Variants in CNTN5 observed in about 807,000 individuals in gnomAD.
CNTN5 encodes contactin-5.
A neutral mutation model predicts 129.1 loss-of-function variants in CNTN5; 77 were observed. The ratio of observed to expected loss-of-function variants is 0.60; its 90% CI spans 0.50 to 0.72. The LOEUF (loss-of-function observed/expected upper bound fraction) is 0.72, where lower values mean the gene tolerates loss of function less well. Ranked by LOEUF, CNTN5 falls within the 30% of genes least tolerant of loss-of-function variation. The pLI, the probability that CNTN5 is intolerant of heterozygous loss-of-function variation, is 0.00. For missense variants in CNTN5, 1,478 were observed against 1,328.8 expected (o/e 1.11, Z -1.75); for synonymous variants, 509 against 465.6 (o/e 1.09, Z -1.20).
intron 15 of CNTN5, among the ~76,000 whole-genome samples, chr11:100,200,295 G>C (rs928918571): frequency 7.2e-5 from 11 of 151,890 alleles, no homozygotes; most frequent in South Asian, 4.1e-4. Flanking sequence ...TCTGTAGATT[G>C]TCAAAATTAG....
chr11:99,910,764 T>G (rs562521836), intron 6 of CNTN5, among the ~76,000 whole-genome samples: 2 of 152,220 alleles, frequency 1.3e-5, no homozygotes, highest in East Asian at 3.9e-4. Flanking sequence ...CATTTCCTTT[T>G]CTCTCTTTTC....
chr11:99,498,182 T>A (rs1946297940), intron 2 of CNTN5, among the ~76,000 whole-genome samples: 1 of 152,212 alleles, frequency 6.6e-6, no homozygotes, highest in African/African-American at 2.4e-5. Flanking sequence ...TTTCTCTAAT[T>A]TCTTTCAAAA....
intron 6 of CNTN5, among the ~76,000 whole-genome samples, chr11:99,874,903 A>G (rs1382900253): frequency 3.3e-5 from 5 of 152,130 alleles, no homozygotes; most frequent in East Asian, 3.9e-4. Flanking sequence ...GCCGTTCACA[A>G]TGACCCTAAT....
At chr11:99,658,718 A>AAAAAT (rs1555067255) in intron 3 of CNTN5, among the ~76,000 whole-genome samples, 1 of 124,020 alleles carries the variant, frequency 8.1e-6, no homozygotes, top group African/African-American at 2.8e-5. Flanking sequence ...CTAAAAAAAA[A>AAAAAT]ATATATATAT....
chr11:99,486,249 A>G (rs1391818707), intron 2 of CNTN5, among the ~76,000 whole-genome samples: 1 of 152,118 alleles, frequency 6.6e-6, no homozygotes, highest in African/African-American at 2.4e-5. Flanking sequence ...TTAATAAACT[A>G]ATTTAGATAC....
At chr11:99,105,518 T>A (rs11821961) in intron 1 of CNTN5, among the ~76,000 whole-genome samples, 45 of 152,244 alleles carry the variant, frequency 3.0e-4, no homozygotes, top group African/African-American at 1.1e-3. Flanking sequence ...TCCTACAACA[T>A]ACTTAGCATC....
intron 18 of CNTN5, among the ~76,000 whole-genome samples, chr11:100,279,443 C>T (rs180964629): frequency 4.8e-4 from 73 of 151,800 alleles, no homozygotes; most frequent in Non-Finnish European, 5.9e-5. Context: ...GAGTCTGAGG[C>T]TTCTTTTTTT....
At chr11:100,064,401 A>C (rs1477599373) in intron 10 of CNTN5, among the ~76,000 whole-genome samples, 1 of 152,194 alleles carries the variant, frequency 6.6e-6, no homozygotes, top group African/African-American at 2.4e-5. Flanking sequence ...CAGTATCTAC[A>C]TTGTAAACAT....
chr11:99,955,351 A>G (rs1182644451), intron 7 of CNTN5, among the ~76,000 whole-genome samples: 1 of 151,870 alleles, frequency 6.6e-6, no homozygotes, highest in African/African-American at 2.4e-5. Flanking sequence ...TCCTTTGAGT[A>G]AAGTCATGTG....
rs576161834 is a variant in CNTN5 at position 99,402,422 on chromosome 11, G to A, written c.-71+76938G>A. 2.6e-5 allele frequency among the ~76,000 whole-genome samples: 4 copies of A among 152,108 alleles called. No homozygotes were observed. The East Asian group carries it at 5.8e-4, about 22-fold the overall frequency. ...TGTTTGCATCCCAGGGGTAAATTCT[G>A]CTTGATCATAATGAACAGTATCTTT... On this transcript the variant is annotated intron_variant, in intron 2 of 24. Transcript: ENST00000524871.
chr11:99,954,517 G>T (rs1221831660), intron 7 of CNTN5, among the ~76,000 whole-genome samples: 1 of 152,126 alleles, frequency 6.6e-6, no homozygotes, highest in Non-Finnish European at 1.5e-5. Context: ...GAAGAAAGTG[G>T]TGTATGAAGC....
At chr11:99,493,211 A>T (rs1006946361) in intron 2 of CNTN5, among the ~76,000 whole-genome samples, 3 of 152,242 alleles carry the variant, frequency 2.0e-5, no homozygotes, top group African/African-American at 7.2e-5. Context: ...TGAAATAGTT[A>T]AGTTTGTTTC....
At chr11:100,168,920 G>T (rs529086471) in intron 13 of CNTN5, among the ~76,000 whole-genome samples, 13 of 151,120 alleles carry the variant, frequency 8.6e-5, no homozygotes, top group African/African-American at 3.2e-4. Context: ...GGAAGAATTT[G>T]ATTCCAACCC....
intron 13 of CNTN5, among the ~76,000 whole-genome samples, chr11:100,086,897 G>A (rs778926962): frequency 2.6e-5 from 4 of 151,494 alleles, no homozygotes; most frequent in South Asian, 4.2e-4. Context: ...AAAATTTATC[G>A]CTCTATGTAT....
chr11:99,075,855 A>G (rs1344688700), intron 1 of CNTN5, among the ~76,000 whole-genome samples: 2 of 152,214 alleles, frequency 1.3e-5, no homozygotes, highest in Admixed American at 6.5e-5. Context: ...ATATTTTTAT[A>G]TTTCCAAAAA....
chr11:100,183,214 T>A (rs1262279250), intron 13 of CNTN5, among the ~76,000 whole-genome samples: 1 of 152,162 alleles, frequency 6.6e-6, no homozygotes, highest in Non-Finnish European at 1.5e-5. Flanking sequence ...AACGTAAGCA[T>A]AAAGAAGTTG....
At chr11:99,687,579 T>C (rs1249008355) in intron 3 of CNTN5, among the ~76,000 whole-genome samples, 1 of 152,178 alleles carries the variant, frequency 6.6e-6, no homozygotes, top group Non-Finnish European at 1.5e-5. Flanking sequence ...CTTTATGGGC[T>C]GTAGCTCATT....
At chr11:99,337,756 ACTAT>A (rs1866298153) in intron 2 of CNTN5, among the ~76,000 whole-genome samples, 2 of 152,120 alleles carry the variant, frequency 1.3e-5, no homozygotes, top group African/African-American at 2.4e-5. Context: ...TTTTTCCGGG[ACTAT>A]CTATTATTTT....
chr11:99,961,477 T>C (rs1289918032), intron 8 of CNTN5, among the ~76,000 whole-genome samples: 2 of 152,142 alleles, frequency 1.3e-5, no homozygotes, highest in Non-Finnish European at 2.9e-5. Flanking sequence ...TGGAGAAAAC[T>C]AAAACACAGA....
Sources: allele counts gnomAD v4.1 joint callset (sites outside exome capture counted in the v4.1 genomes callset), GRCh38; gene constraint gnomAD v4.1.1; transcripts MANE v1.5; gene names NCBI Gene and HGNC (gene_info 2026-07-23, HGNC 2026-07-21).